Variants in AQP7B observed in about 807,000 individuals in gnomAD.
AQP7B encodes aquaporin 7B, also known as putative aquaporin-7B.
the AQP7B span, among the ~76,000 whole-genome samples, chr2:94,593,385 G>GT: frequency 6.6e-6 from 1 of 151,832 alleles, no homozygotes; most frequent in Non-Finnish European, 1.5e-5. Context: ...GGCCAGAGGA[G>GT]TTGAGGGGCT....
chr2:94,603,879 G>T, the AQP7B span: 2 of 1,374,138 alleles, frequency 1.5e-6, no homozygotes, highest in Non-Finnish European at 2.1e-6. Context: ...CCCGGGACCC[G>T]CCCCCCAGCA....
the AQP7B span, chr2:94,604,310 G>C: frequency 6.2e-7 from 1 of 1,607,684 alleles, no homozygotes. Context: ...CTGGTGGTGG[G>C]TGCCAGTGGT....
At chr2:94,603,850 G>C in the AQP7B span, 2 of 1,442,976 alleles carry the variant, frequency 1.4e-6, no homozygotes, top group Non-Finnish European at 1.9e-6. Flanking sequence ...CATAAACACA[G>C]GATATGCCAT....
the AQP7B span, among the ~76,000 whole-genome samples, chr2:94,597,604 T>C: frequency 6.6e-6 from 1 of 151,202 alleles, no homozygotes; most frequent in African/African-American, 2.4e-5. Context: ...AATATCACAG[T>C]CTTTTTTGTT....
the AQP7B span, chr2:94,603,563 G>A: frequency 6.6e-7 from 1 of 1,516,948 alleles, no homozygotes; most frequent in Middle Eastern, 2.4e-4. Context: ...AGAGCCAGCA[G>A]GGAGTCCCTC....
the AQP7B span, chr2:94,594,638 C>T: frequency 7.2e-5 from 53 of 732,938 alleles, no homozygotes; most frequent in African/African-American, 2.1e-4. Flanking sequence ...GCGTGTGTGG[C>T]GAGGCTGCTG....
chr2:94,601,603 G>T, the AQP7B span, among the ~76,000 whole-genome samples: 1 of 152,190 alleles, frequency 6.6e-6, no homozygotes, highest in Non-Finnish European at 1.5e-5. Context: ...GCGAGGGAAG[G>T]GGTGAAGCAG....
the AQP7B span, among the ~76,000 whole-genome samples, chr2:94,596,965 G>T: frequency 1.3e-5 from 2 of 152,180 alleles, no homozygotes; most frequent in East Asian, 3.9e-4. Context: ...CTCCCAAAGT[G>T]CTGGGATTGC....
At chr2:94,601,482 G>A in the AQP7B span, among the ~76,000 whole-genome samples, 1 of 152,200 alleles carries the variant, frequency 6.6e-6, no homozygotes, top group African/African-American at 2.4e-5. Context: ...TGTCTACGTG[G>A]TAAAACCATG....
chr2:94,595,650 T>C, the AQP7B span, among the ~76,000 whole-genome samples: 2 of 152,122 alleles, frequency 1.3e-5, no homozygotes, highest in Non-Finnish European at 2.9e-5. Context: ...TAAGAGGCTG[T>C]TTTTGATCTG....
chr2:94,589,637 C>T, the AQP7B span, among the ~76,000 whole-genome samples: 3 of 152,246 alleles, frequency 2.0e-5, no homozygotes, highest in South Asian at 2.1e-4. Flanking sequence ...TATACTTGGA[C>T]GGAGAGAATG....
At chr2:94,589,960 C>T in the AQP7B span, among the ~76,000 whole-genome samples, 2 of 152,184 alleles carry the variant, frequency 1.3e-5, no homozygotes, top group Non-Finnish European at 2.9e-5. Flanking sequence ...TCTACCACCA[C>T]CCTACTCCCC....
At chr2:94,595,616 C>T in the AQP7B span, among the ~76,000 whole-genome samples, 1 of 151,896 alleles carries the variant, frequency 6.6e-6, no homozygotes, top group South Asian at 2.1e-4. Flanking sequence ...GCAGGACAGG[C>T]AAGGCTGGCA....
chr2:94,601,280 T>G, the AQP7B span, among the ~76,000 whole-genome samples: 1 of 152,182 alleles, frequency 6.6e-6, no homozygotes, highest in Admixed American at 6.5e-5. Flanking sequence ...TTGCAACATC[T>G]GAGTTTCTGG....
the AQP7B span, chr2:94,594,802 T>A: frequency 3.1e-5 from 48 of 1,563,132 alleles, no homozygotes; most frequent in Non-Finnish European, 3.1e-5. Flanking sequence ...CCAGGAAATA[T>A]GGTGCGAGGA....
At chr2:94,597,676 C>A in the AQP7B span, among the ~76,000 whole-genome samples, 1 of 149,514 alleles carries the variant, frequency 6.7e-6, no homozygotes, top group Non-Finnish European at 1.5e-5. Flanking sequence ...GCAATCTCGG[C>A]TCACTGCAAC....
At chr2:94,604,469 C>T in the AQP7B span, 3 of 1,611,358 alleles carry the variant, frequency 1.9e-6, no homozygotes, top group Non-Finnish European at 2.5e-6. Flanking sequence ...ATCTCATGAA[C>T]CCATGATCTC....
At chr2:94,601,565 G>A in the AQP7B span, among the ~76,000 whole-genome samples, 1 of 152,334 alleles carries the variant, frequency 6.6e-6, no homozygotes, top group Non-Finnish European at 1.5e-5. Flanking sequence ...GTGACATGTG[G>A]AAGTGGAAGC....
the AQP7B span, among the ~76,000 whole-genome samples, chr2:94,592,200 G>A: frequency 6.6e-6 from 1 of 152,110 alleles, no homozygotes; most frequent in Non-Finnish European, 1.5e-5. Flanking sequence ...GGTTGGATGG[G>A]AGCCAGTGGA....
Sources: allele counts gnomAD v4.1 joint callset (sites outside exome capture counted in the v4.1 genomes callset), GRCh38; gene constraint gnomAD v4.1.1; transcripts MANE v1.5; gene names NCBI Gene and HGNC (gene_info 2026-07-23, HGNC 2026-07-21).